The following ASIC2 variants were observed in gnomAD, a reference collection of about 807,000 sequenced individuals.
ASIC2 encodes acid-sensing ion channel 2.
In ASIC2, 25 loss-of-function variants were observed where a neutral mutation model predicts 57.3. The ratio of observed to expected loss-of-function variants is 0.44; its 90% CI spans 0.32 to 0.61. The LOEUF is 0.61. Ranked by LOEUF, ASIC2 falls within the 20% of genes least tolerant of loss-of-function variation. ASIC2 has a pLI of 0.06. For missense variants in ASIC2, 641 were observed against 738.1 expected, an observed-to-expected ratio of 0.87 and a Z score of 1.52; for synonymous variants, 319 against 307.5, an observed-to-expected ratio of 1.04 and a Z score of -0.39.
Position 33,711,448 on chromosome 17 carries a change from G to A in ASIC2, c.555+444530C>T, listed in dbSNP as rs547251413. Among the ~76,000 whole-genome samples, 11 of 152,316 alleles carry A rather than the reference G, an allele frequency of 7.2e-5. No homozygotes were observed. In the South Asian group the frequency reaches 1.2e-3, roughly 17 times the overall value. The stretch of plus-strand genomic sequence containing the variant: ...CCTCCATATGCGGTCAAAGGGTGGC[G>A]GGGCTGGGAGCAATGAATCTCATTT... On this transcript the variant is annotated intron_variant, in intron 1 of 9. Transcript: ENST00000359872.
intron 3 of ASIC2, among the ~76,000 whole-genome samples, chr17:33,056,616 G>A (rs1354300245): frequency 1.3e-5 from 2 of 152,140 alleles, no homozygotes; most frequent in African/African-American, 2.4e-5. Flanking sequence ...AGCCTAGGAC[G>A]CTCTATAAAG....
At chr17:33,733,576 A>G (rs973720567) in intron 1 of ASIC2, among the ~76,000 whole-genome samples, 6 of 152,200 alleles carry the variant, frequency 3.9e-5, no homozygotes, top group Non-Finnish European at 8.8e-5. Flanking sequence ...TATATTCTAA[A>G]GTCCCCAGAA....
At chr17:33,802,687 A>G (rs1912164053) in intron 1 of ASIC2, among the ~76,000 whole-genome samples, 1 of 152,252 alleles carries the variant, frequency 6.6e-6, no homozygotes, top group African/African-American at 2.4e-5. Flanking sequence ...CAGTCAGGAG[A>G]ATCCTCTAGA....
intron 1 of ASIC2, among the ~76,000 whole-genome samples, chr17:33,168,331 T>C (rs1905382357): frequency 6.6e-6 from 1 of 152,122 alleles, no homozygotes; most frequent in Non-Finnish European, 1.5e-5. Flanking sequence ...AACTGAGTAA[T>C]GGGTAGAGGC....
At chr17:33,802,976 T>TAA (rs78752851) in intron 1 of ASIC2, among the ~76,000 whole-genome samples, 13,722 of 152,280 alleles carry the variant, frequency 0.09, 692 homozygotes, top group East Asian at 0.19. Flanking sequence ...ATAGCCAAAG[T>TAA]AAGAGATCTT....
intron 1 of ASIC2, among the ~76,000 whole-genome samples, chr17:33,649,137 C>T (rs1355311674): frequency 2.0e-5 from 3 of 152,174 alleles, no homozygotes; most frequent in Non-Finnish European, 2.9e-5. Context: ...TTTGAAATTA[C>T]GTGATTGTCT....
intron 1 of ASIC2, among the ~76,000 whole-genome samples, chr17:33,452,517 C>T (rs936889918): frequency 1.3e-5 from 2 of 152,206 alleles, no homozygotes; most frequent in African/African-American, 4.8e-5. Flanking sequence ...CTTTGAGTAG[C>T]AGCTGAGAGG....
chr17:33,917,855 TACACACACAC>T (rs10645495), intron 1 of ASIC2, among the ~76,000 whole-genome samples: 1 of 139,168 alleles, frequency 7.2e-6, no homozygotes, highest in East Asian at 2.1e-4. Context: ...TAAAGCCCGG[TACACACACAC>T]ACACACACAC....
intron 1 of ASIC2, among the ~76,000 whole-genome samples, chr17:33,602,196 T>C (rs572471658): frequency 6.6e-6 from 1 of 152,346 alleles, no homozygotes; most frequent in East Asian, 1.9e-4. Context: ...ATGAAGGTAT[T>C]TTCCATATGA....
intron 1 of ASIC2, among the ~76,000 whole-genome samples, chr17:33,485,521 T>C (rs187821539): frequency 2.3e-4 from 35 of 152,342 alleles, no homozygotes; most frequent in Admixed American, 2.3e-3. Flanking sequence ...TACTTAAGCT[T>C]AGATGACATC....
intron 1 of ASIC2, among the ~76,000 whole-genome samples, chr17:34,146,547 C>G (rs1467807089): frequency 6.6e-6 from 1 of 152,188 alleles, no homozygotes; most frequent in African/African-American, 2.4e-5. Context: ...ACGGGAAACA[C>G]TGAGTGTAAA....
At chr17:33,370,937 A>G (rs1909034772) in intron 1 of ASIC2, among the ~76,000 whole-genome samples, 1 of 152,220 alleles carries the variant, frequency 6.6e-6, no homozygotes, top group Non-Finnish European at 1.5e-5. Context: ...GTGGTGAAAG[A>G]ATAGCTACTC....
chr17:33,500,102 G>GA (rs1372649734), intron 1 of ASIC2, among the ~76,000 whole-genome samples: 2 of 151,810 alleles, frequency 1.3e-5, no homozygotes, highest in African/African-American at 2.4e-5. Flanking sequence ...ACTACATACA[G>GA]AAAAAAAATA....
At chr17:33,906,011 A>ATTTTTTT (rs72050716) in intron 1 of ASIC2, among the ~76,000 whole-genome samples, 1 of 132,532 alleles carries the variant, frequency 7.5e-6, no homozygotes. Flanking sequence ...TTTTAATTAA[A>ATTTTTTT]TTTTTTTTTT....
intron 1 of ASIC2, among the ~76,000 whole-genome samples, chr17:33,898,220 CTTTTTT>C (rs771624171): frequency 2.3e-4 from 15 of 66,186 alleles, no homozygotes; most frequent in South Asian, 6.9e-4. Context: ...CATGTATAAT[CTTTTTT>C]TTTTTTTTTT....
At position 33,322,556 on chromosome 17, in the gene ASIC2, G is replaced by GATTC. The variant is rs140918105; in HGVS notation, c.556-210493_556-210490dup. On this transcript the variant is annotated intron_variant, in intron 1 of 9. Coordinates refer to the ASIC2 transcript ENST00000359872. ...CAATAAACTTAACAACCAGTAGAAA[G>GATTC]ATTCATTCATTCATTCATTCATTCA... 6.4e-3 allele frequency among the ~76,000 whole-genome samples: 977 copies of GATTC among 152,210 alleles called. 11 individuals carry two copies. Among genetic ancestry groups the GATTC allele is most frequent in the African/African-American group, 0.021 (864 of 41,522 alleles).
intron 1 of ASIC2, among the ~76,000 whole-genome samples, chr17:33,803,238 T>C (rs1463649049): frequency 1.3e-5 from 2 of 152,264 alleles, no homozygotes; most frequent in East Asian, 1.9e-4. Context: ...AGAGAGGAAA[T>C]CTGTGTGACT....
intron 1 of ASIC2, among the ~76,000 whole-genome samples, chr17:33,285,000 T>C (rs533347305): frequency 6.6e-6 from 1 of 152,310 alleles, no homozygotes; most frequent in East Asian, 1.9e-4. Flanking sequence ...ACACAGTAGG[T>C]GCTTAATGTG....
intron 1 of ASIC2, among the ~76,000 whole-genome samples, chr17:33,733,209 A>G (rs1416302568): frequency 6.6e-6 from 1 of 152,242 alleles, no homozygotes; most frequent in Non-Finnish European, 1.5e-5. Context: ...CCAGTGCAAG[A>G]GAGACGGATG....
Sources: gnomAD v4.1 joint callset for allele counts (sites outside exome capture counted in the v4.1 genomes callset) on GRCh38, gnomAD v4.1.1 for gene constraint, MANE v1.5 for transcripts, NCBI Gene and HGNC (gene_info 2026-07-23, HGNC 2026-07-21) for gene names.